RUFY1: variants seen among roughly 807,000 people sequenced by gnomAD.
The protein encoded by RUFY1 is RUN and FYVE domain containing 1, also known as RUN and FYVE domain-containing protein 1.
A neutral mutation model predicts 94.6 loss-of-function variants in RUFY1; 54 were observed. That is an observed-to-expected ratio of 0.57 (90% CI 0.46 to 0.72). RUFY1 has a LOEUF of 0.72. Among genes scored for constraint, RUFY1 ranks in the 30% least tolerant of loss-of-function variants. The pLI, the probability that RUFY1 is intolerant of heterozygous loss-of-function variation, is 0.00. For synonymous variants in RUFY1, 396 were observed against 347.3 expected (o/e 1.14, Z -1.56); for missense variants, 883 against 883.9 (o/e 1.00, Z 0.01).
chr5:179,573,160 T>A (rs1057347161), intron 5 of RUFY1, among the ~76,000 whole-genome samples: 1 of 152,230 alleles, frequency 6.6e-6, no homozygotes, highest in South Asian at 2.1e-4. Flanking sequence ...TGGAGCCAGA[T>A]AGTATATTCT....
At chr5:179,583,356 A>C (rs1377535277) in intron 7 of RUFY1, among the ~76,000 whole-genome samples, 1 of 151,320 alleles carries the variant, frequency 6.6e-6, no homozygotes, top group Non-Finnish European at 1.5e-5. Flanking sequence ...CTAGCTTTTC[A>C]GTTTTTACTT....
chr5:179,605,785 TCA>T (rs1767013994), intron 15 of RUFY1, 89 bp from the exon 16 acceptor site: 1 of 867,966 alleles, frequency 1.2e-6, no homozygotes, highest in African/African-American at 1.7e-5. Flanking sequence ...TCCGGTATCC[TCA>T]CAAAGCTAGT....
chr5:179,581,288 C>T (rs1041438095), intron 7 of RUFY1, among the ~76,000 whole-genome samples: 3 of 152,188 alleles, frequency 2.0e-5, no homozygotes, highest in Admixed American at 6.5e-5. Flanking sequence ...CCCACAGCCA[C>T]GTGGCTGGAA....
At chr5:179,556,159 G>A (rs1335102208) in intron 1 of RUFY1, among the ~76,000 whole-genome samples, 1 of 152,042 alleles carries the variant, frequency 6.6e-6, no homozygotes, top group East Asian at 1.9e-4. Flanking sequence ...TTAATGAATT[G>A]ATAATTACCA....
chr5:179,558,982 ATAC>A (rs1762245658), intron 1 of RUFY1, among the ~76,000 whole-genome samples: 1 of 152,262 alleles, frequency 6.6e-6, no homozygotes, highest in African/African-American at 2.4e-5. Flanking sequence ...CACAGAAGAA[ATAC>A]TAGCAGAGAA....
intron 6 of RUFY1, among the ~76,000 whole-genome samples, chr5:179,580,260 T>TGA (rs1764031215): frequency 6.8e-6 from 1 of 148,080 alleles, no homozygotes; most frequent in Admixed American, 6.7e-5. Flanking sequence ...TTTTTTTTTT[T>TGA]GAGACGGAGT....
rs1767547656 is a variant in RUFY1, at chr5:179,609,815, A to G, written c.*296A>G. On this transcript the variant is annotated 3_prime_UTR_variant, in exon 18 of 18. Coordinates refer to ENST00000319449, the MANE Select transcript of RUFY1 (RefSeq NM_025158.5). ...CATTTTTCACTTTTCAAAGAATTTA[A>G]CCTATTTTACAGCAGTTCAGTTCTG... 4 of 310,788 alleles carry G rather than the reference A, an allele frequency of 1.3e-5. No individual in the cohort carries two copies. The allele number at this position is 310,788 out of a possible 1,614,324, so 19.3% of individuals were successfully genotyped here.
In RUFY1 at chr5:179,609,557, C is replaced by CA. The variant is rs1205889391; in HGVS notation, c.*41dup. 1 of 1,546,928 alleles carries CA rather than the reference C, an allele frequency of 6.5e-7. No individual in the cohort carries two copies. The highest frequency in any genetic ancestry group is 8.7e-7 in the Non-Finnish European group (1 of 1,148,714). On this transcript the variant is annotated 3_prime_UTR_variant, in exon 18 of 18. Coordinates refer to ENST00000319449, the MANE Select transcript of RUFY1 (RefSeq NM_025158.5). ...AGGAGCACAGCCTCACGGACAGTGC[C>CA]AAACCCTGTGGGTCTCCAGGGGCTT...
intron 13 of RUFY1, among the ~76,000 whole-genome samples, chr5:179,597,696 A>G (rs1765811423): frequency 1.3e-5 from 2 of 151,890 alleles, no homozygotes; most frequent in Non-Finnish European, 1.5e-5. Flanking sequence ...GATAATATAT[A>G]TGCCAAGTTA....
intron 13 of RUFY1, among the ~76,000 whole-genome samples, chr5:179,597,624 G>A (rs1196942523): frequency 5.9e-5 from 9 of 152,106 alleles, no homozygotes; most frequent in African/African-American, 1.4e-4. Context: ...CACCCGTCTC[G>A]GCCTCCCAGA....
At chr5:179,603,057 C>T (rs1013722967) in intron 15 of RUFY1, among the ~76,000 whole-genome samples, 1 of 152,138 alleles carries the variant, frequency 6.6e-6, no homozygotes, top group African/African-American at 2.4e-5. Context: ...CACCTGAGGT[C>T]AGGAGTTCGA....
At chr5:179,575,700 C>T (rs1242399023) in intron 5 of RUFY1, among the ~76,000 whole-genome samples, 6 of 152,062 alleles carry the variant, frequency 3.9e-5, no homozygotes, top group Admixed American at 2.0e-4. Context: ...TACACATAGC[C>T]TTGGTTGCAA....
At chr5:179,555,803 AT>A (rs11382569) in intron 1 of RUFY1, 121,753 of 242,224 alleles carry the variant, frequency 0.5, 21,326 homozygotes, top group Non-Finnish European at 0.54. Flanking sequence ...AATTTTTTGG[AT>A]TTTTTTTTTT....
intron 3 of RUFY1, among the ~76,000 whole-genome samples, chr5:179,563,074 G>C (rs1358463551): frequency 6.6e-6 from 1 of 152,158 alleles, no homozygotes; most frequent in Non-Finnish European, 1.5e-5. Context: ...GCCATGTCTG[G>C]ATTTGTCCTT....
chr5:179,598,383 T>G (rs1019865508), intron 13 of RUFY1: 7 of 310,856 alleles, frequency 2.3e-5, no homozygotes, highest in African/African-American at 1.3e-4. Context: ...AAGAACGAAT[T>G]TTGAGCTTCC....
At chr5:179,607,541 T>A (rs750028657) in intron 16 of RUFY1, 41 bp from the exon 17 acceptor site, 2 of 1,582,240 alleles carry the variant, frequency 1.3e-6, no homozygotes, top group Non-Finnish European at 1.7e-6. Flanking sequence ...CATCAGGGGC[T>A]TAGACAGAAA....
chr5:179,591,735 C>A lies in RUFY1; in HGVS notation c.1239C>A (p.Val413=). The change falls in exon 10 of 18, where the codon GTC becomes GTA. Residue 413 remains valine, a synonymous_variant. Transcript: ENST00000319449. ...AGCAGCTAAAAGAGGAGAAGAAAGT[C>A]CGGTTGGTGAGTGTGCAAGACCGAG... ...VWKQLKEEKK[V]RLELEKELEL... 6.3e-7 allele frequency: 1 copy of A among 1,594,836 alleles called. No homozygotes were observed. The highest frequency in any genetic ancestry group is 1.1e-5 in the South Asian group (1 of 89,288).
At chr5:179,551,273 G>C (rs1761831597) in intron 1 of RUFY1, among the ~76,000 whole-genome samples, 1 of 152,234 alleles carries the variant, frequency 6.6e-6, no homozygotes, top group Non-Finnish European at 1.5e-5. Flanking sequence ...TGCGCGCAGC[G>C]GACCAGCGGC....
At chr5:179,575,048 C>T (rs1357058730) in intron 5 of RUFY1, among the ~76,000 whole-genome samples, 2 of 130,120 alleles carry the variant, frequency 1.5e-5, no homozygotes, top group African/African-American at 2.9e-5. Context: ...CCGCCCCAGC[C>T]GCAGTCCTCC....
Sources: allele counts gnomAD v4.1 joint callset (sites outside exome capture counted in the v4.1 genomes callset), GRCh38; gene constraint gnomAD v4.1.1; transcripts MANE v1.5; gene names NCBI Gene and HGNC (gene_info 2026-07-23, HGNC 2026-07-21).